KCTD16: variants seen among roughly 807,000 people sequenced by gnomAD.
KCTD16 encodes potassium channel tetramerization domain containing 16.
A neutral mutation model predicts 33.2 loss-of-function variants in KCTD16; 13 were observed. The observed-to-expected ratio is 0.39, with a 90% confidence interval of 0.25 to 0.62. The LOEUF is 0.62. KCTD16 is among the 20% of genes least tolerant of loss of function. The probability of loss-of-function intolerance (pLI) is 0.50; values close to 1 mark genes in which losing one functional copy is unlikely to be tolerated. For missense variants in KCTD16, 441 were observed against 525.1 expected (o/e 0.84, Z 1.57); for synonymous variants, 197 against 195.3 (o/e 1.01, Z -0.07).
intron 2 of KCTD16, among the ~76,000 whole-genome samples, chr5:144,198,000 A>G (rs984015871): frequency 6.6e-5 from 10 of 152,060 alleles, no homozygotes; most frequent in African/African-American, 1.9e-4. Flanking sequence ...TTTCCATTCC[A>G]ATTTGACCCC....
rs1348518325 is a variant in KCTD16, at chr5:144,187,504, A to G, written c.-327+13032A>G. ...GAGAAAAAATGTTGTTTATTCTTCTAGCTATAACAAAATATCACTTGGGTT... is the reference window on the plus strand; with the variant it reads ...GAGAAAAAATGTTGTTTATTCTTCTGGCTATAACAAAATATCACTTGGGTT... On this transcript the variant is annotated intron_variant, in intron 2 of 3. Coordinates refer to ENST00000512467, the MANE Select transcript of KCTD16 (RefSeq NM_020768.4). Among the ~76,000 whole-genome samples the G allele has an allele frequency of 2.0e-5, 3 of 152,132 alleles. No homozygotes were observed. The East Asian group carries it at 5.8e-4, about 29-fold the overall frequency.
At chr5:144,235,143 GA>G (rs1754213647) in intron 3 of KCTD16, among the ~76,000 whole-genome samples, 1 of 152,150 alleles carries the variant, frequency 6.6e-6, no homozygotes, top group Non-Finnish European at 1.5e-5. Context: ...TGCTTTTAGG[GA>G]GAATCATTTT....
chr5:144,402,393 T>C (rs1752720802), intron 3 of KCTD16, among the ~76,000 whole-genome samples: 1 of 152,258 alleles, frequency 6.6e-6, no homozygotes, highest in Admixed American at 6.5e-5. Context: ...TTTGCACCCT[T>C]CGTAGGCCAG....
Position 144,478,683 on chromosome 5 carries a change from T to C in KCTD16, c.*4569T>C, listed in dbSNP as rs1425677599. ...TAGACCTTACTTTGAAAAATTCTGCTGTTTAGGGAATATGCAGAGGCCAAG... is the reference window on the plus strand; with the variant it reads ...TAGACCTTACTTTGAAAAATTCTGCCGTTTAGGGAATATGCAGAGGCCAAG... On this transcript the variant is annotated 3_prime_UTR_variant, in exon 4 of 4. Coordinates refer to ENST00000512467, the MANE Select transcript of KCTD16 (RefSeq NM_020768.4). 6.6e-6 allele frequency: 1 copy of C among 152,068 alleles called. No homozygotes were observed. The highest frequency in any genetic ancestry group is 1.5e-5 in the Non-Finnish European group (1 of 67,946). The allele number at this position is 152,068 out of a possible 1,614,324, so 9.4% of individuals were successfully genotyped here.
chr5:144,316,958 G>A (rs917169281), intron 3 of KCTD16, among the ~76,000 whole-genome samples: 2 of 150,636 alleles, frequency 1.3e-5, no homozygotes, highest in Non-Finnish European at 2.9e-5. Flanking sequence ...CTCCCAAGTA[G>A]CTGTGCCTAC....
At chr5:144,216,630 G>A (rs1045188436) in intron 3 of KCTD16, among the ~76,000 whole-genome samples, 1 of 152,126 alleles carries the variant, frequency 6.6e-6, no homozygotes, top group Admixed American at 6.5e-5. Context: ...GATTGCCTGA[G>A]CTCAGGAGTT....
chr5:144,458,492 A>G (rs1754122898), intron 3 of KCTD16, among the ~76,000 whole-genome samples: 1 of 152,190 alleles, frequency 6.6e-6, no homozygotes, highest in East Asian at 1.9e-4. Context: ...TTCTATAGAT[A>G]AAGGAATCCC....
intron 3 of KCTD16, among the ~76,000 whole-genome samples, chr5:144,314,246 A>G (rs1751846830): frequency 6.6e-6 from 1 of 152,128 alleles, no homozygotes; most frequent in South Asian, 2.1e-4. Flanking sequence ...ATGGAAGTAC[A>G]TTGTTCTTTT....
chr5:144,304,599 A>G (rs546810530), intron 3 of KCTD16, among the ~76,000 whole-genome samples: 1 of 152,322 alleles, frequency 6.6e-6, no homozygotes, highest in East Asian at 1.9e-4. Context: ...GAGTAAAAAC[A>G]TTATATGGAA....
chr5:144,172,954 A>G (rs1223556387), intron 1 of KCTD16, among the ~76,000 whole-genome samples: 1 of 152,190 alleles, frequency 6.6e-6, no homozygotes, highest in Non-Finnish European at 1.5e-5. Flanking sequence ...GAGCTACAAG[A>G]ATATGAGCAT....
chr5:144,186,384 G>C (rs949050604), intron 2 of KCTD16, among the ~76,000 whole-genome samples: 2 of 145,352 alleles, frequency 1.4e-5, no homozygotes, highest in Non-Finnish European at 3.0e-5. Context: ...AAAACTAATG[G>C]CTTATTGTCC....
At chr5:144,185,842 T>C (rs1031739788) in intron 2 of KCTD16, among the ~76,000 whole-genome samples, 3 of 152,190 alleles carry the variant, frequency 2.0e-5, no homozygotes, top group African/African-American at 7.2e-5. Context: ...ACTTACTATA[T>C]AATAAATGCT....
chr5:144,352,429 A>G (rs1336593751), intron 3 of KCTD16, among the ~76,000 whole-genome samples: 3 of 152,160 alleles, frequency 2.0e-5, no homozygotes, highest in Non-Finnish European at 4.4e-5. Context: ...GGTGTCAGCT[A>G]ATACTCCTCC....
At chr5:144,303,437 G>A (rs1561560282) in intron 3 of KCTD16, among the ~76,000 whole-genome samples, 1 of 152,254 alleles carries the variant, frequency 6.6e-6, no homozygotes, top group Middle Eastern at 3.4e-3. Flanking sequence ...AGGACCTTGA[G>A]GTTGGGCTGG....
intron 3 of KCTD16, among the ~76,000 whole-genome samples, chr5:144,429,574 G>T (rs1339635994): frequency 6.6e-6 from 1 of 152,090 alleles, no homozygotes; most frequent in East Asian, 1.9e-4. Context: ...TAGGGAAATG[G>T]TAGGCTATGA....
chr5:144,463,140 C>T (rs1754241248), intron 3 of KCTD16, among the ~76,000 whole-genome samples: 2 of 152,058 alleles, frequency 1.3e-5, no homozygotes, highest in Non-Finnish European at 2.9e-5. Flanking sequence ...ACTTGTGCAT[C>T]AGTGGTGTTT....
At chr5:144,194,312 T>C (rs1420782132) in intron 2 of KCTD16, among the ~76,000 whole-genome samples, 3 of 152,218 alleles carry the variant, frequency 2.0e-5, no homozygotes, top group Non-Finnish European at 4.4e-5. Flanking sequence ...AGAAAATGTG[T>C]TATCCATGCG....
chr5:144,237,237 T>C (rs961861598), intron 3 of KCTD16, among the ~76,000 whole-genome samples: 21 of 152,172 alleles, frequency 1.4e-4, no homozygotes, highest in African/African-American at 5.1e-4. Context: ...TAAAATAATT[T>C]CCAGCGAAGT....
At chr5:144,400,687 A>T (rs1193964350) in intron 3 of KCTD16, among the ~76,000 whole-genome samples, 2 of 152,166 alleles carry the variant, frequency 1.3e-5, no homozygotes, top group Admixed American at 1.3e-4. Context: ...TAGATCTTAC[A>T]GTCTGATAGG....
Sources: allele counts gnomAD v4.1 joint callset (sites outside exome capture counted in the v4.1 genomes callset), GRCh38; gene constraint gnomAD v4.1.1; transcripts MANE v1.5; gene names NCBI Gene and HGNC (gene_info 2026-07-23, HGNC 2026-07-21).